ADM: variants seen among roughly 807,000 people sequenced by gnomAD.
The protein encoded by ADM is adrenomedullin.
Under a neutral mutation model 9.0 loss-of-function variants are expected in ADM, and 4 were observed. The observed-to-expected ratio is 0.44, with a 90% CI of 0.22 to 1.02. The LOEUF is 1.02. Among genes scored for constraint, ADM ranks in the 50% least tolerant of loss-of-function variants. The pLI is 0.24. For synonymous variants in ADM, 107 were observed against 107.2 expected, an observed-to-expected ratio of 1.00 and a Z score of 0.01; for missense variants, 253 against 254.1, an observed-to-expected ratio of 1.00 and a Z score of 0.03.
At chr11:10,305,578 GC>G in intron 1 of ADM, 101 bp from the exon 2 acceptor site, 2 of 969,412 alleles carry the variant, frequency 2.1e-6, no homozygotes, top group Non-Finnish European at 3.1e-6. Flanking sequence ...GAAAGCGCGG[GC>G]TAAACCCGCC....
At chr11:10,306,311 T>TCGGGGGG in intron 3 of ADM, 21 bp from the exon 4 acceptor site, 1 of 1,543,792 alleles carries the variant, frequency 6.5e-7, no homozygotes, top group Non-Finnish European at 8.9e-7. Flanking sequence ...TTGCCTTTCT[T>TCGGGGGG]CCCCCTCCCC....
At position 10,306,055 on chromosome 11, in the gene ADM, C is replaced by A. The variant is rs962132270; in HGVS notation, c.205C>A (p.Arg69=). Residue 69 remains arginine, a synonymous_variant, in exon 3 of 4, where the codon CGG becomes AGG. Transcript: ENST00000278175. ...VKAGPAQTLI[R]PQDMKGASRS... ...GGCCGGGCCTGCCCAGACCCTTATT[C>A]GGCCCCAGGACATGAAGGGTGCCTC... 6.2e-7 allele frequency: 1 copy of A among 1,614,046 alleles called. No individual in the cohort carries two copies. Among genetic ancestry groups the A allele is most frequent in the Non-Finnish European group, 8.5e-7 (1 of 1,180,018 alleles).
rs1964651198 is a variant in ADM, at chr11:10,306,004, T to C, written c.154T>C (p.Tyr52His). 1 of 1,614,010 alleles carries C rather than the reference T, an allele frequency of 6.2e-7. No homozygotes were observed. The highest frequency in any genetic ancestry group is 8.5e-7 in the Non-Finnish European group (1 of 1,180,016). Reference protein sequence around the residue: ...GKRELRMSSSYPTGLADVKAG... With the variant: ...GKRELRMSSSHPTGLADVKAG... ...GAGGGAACTGCGGATGTCCAGCAGC[T>C]ACCCCACCGGGCTCGCTGACGTGAA... The change falls in exon 3 of 4, where the codon TAC (tyrosine) becomes CAC (histidine). Residue 52 changes from tyrosine (Y) to histidine (H), a missense_variant. Physicochemically the swap from Tyr to His is moderately conservative, Grantham distance 83. Transcript: ENST00000278175.
In ADM at chr11:10,305,764, G is replaced by T. The variant is rs746394048; in HGVS notation, c.64G>T (p.Ala22Ser). 15 of 1,614,046 alleles carry T rather than the reference G, an allele frequency of 9.3e-6. No individual in the cohort carries two copies. The highest frequency in any genetic ancestry group is 2.7e-5 in the African/African-American group (2 of 74,948). Residue 22 changes from alanine (A) to serine (S), a missense_variant, in exon 2 of 4, where the codon GCT becomes TCT. Ala to Ser is a moderately conservative substitution (Grantham distance 99, BLOSUM62 1). Transcript: ENST00000278175. ...GCTCGCCTTCCTAGGCGCTGACACCGCTCGGTTGGATGTCGCGTCGGAGTT... is the reference window on the plus strand; with the variant it reads ...GCTCGCCTTCCTAGGCGCTGACACCTCTCGGTTGGATGTCGCGTCGGAGTT... ...GSLAFLGADT[A>S]RLDVASEFRK...
In ADM at chr11:10,305,700, G is replaced by A; in HGVS notation, c.-1G>A. On this transcript the variant is annotated 5_prime_UTR_variant, in exon 2 of 4. Coordinates refer to ENST00000278175, the MANE Select transcript of ADM (RefSeq NM_001124.3). ...TCCAGGGTCTGCGCTTCGCAGCCGG[G>A]ATGAAGCTGGTTTCCGTCGCCCTGA... is the stretch of plus-strand genomic sequence containing the variant. 1 of 1,613,796 alleles carries A rather than the reference G, an allele frequency of 6.2e-7. No individual in the cohort carries two copies. Among genetic ancestry groups the A allele is most frequent in the South Asian group, 1.1e-5 (1 of 91,084 alleles).
intron 1 of ADM, 58 bp from the exon 2 acceptor site, chr11:10,305,622 G>T (rs1591387568): frequency 6.7e-7 from 1 of 1,494,408 alleles, no homozygotes; most frequent in South Asian, 1.1e-5. Context: ...TCCGTGCCCC[G>T]CCCGGGCGGT....
rs537377545 is a variant in ADM at position 10,306,736 on chromosome 11, T to C, written c.*95T>C. ...TTCCCGAGCGGTGTGGGGACCGGGC[T>C]CTGACAGCCCTGCGGAGACCCTGAG... On this transcript the variant is annotated 3_prime_UTR_variant, in exon 4 of 4. Coordinates refer to ENST00000278175, the MANE Select transcript of ADM (RefSeq NM_001124.3). 1.6e-3 allele frequency: 2,093 copies of C among 1,318,668 alleles called. 5 individuals are homozygous for C. The highest frequency in any genetic ancestry group is 5.4e-3 in the Middle Eastern group (21 of 3,872). 81.7% of individuals were successfully genotyped at this position (1,318,668 alleles called of 1,614,324 possible). A position where few individuals can be genotyped will look rare whatever the true frequency, so the allele number is the denominator to read the frequency against.
At chr11:10,305,518 A>T in intron 1 of ADM, 162 bp from the exon 2 acceptor site, 1 of 616,868 alleles carries the variant, frequency 1.6e-6, no homozygotes, top group Non-Finnish European at 2.8e-6. Flanking sequence ...GGCGCGTGCA[A>T]ACGCCTCTGG....
At position 10,306,544 on chromosome 11, in the gene ADM, T is replaced by A; in HGVS notation, c.461T>A (p.Leu154Gln). ...QGYGRRRRRS[L>Q]PEAGPGRTLV... ...TACGGCCGCCGGCGCCGGCGCTCCC[T>A]GCCCGAGGCCGGCCCGGGTCGGACT... is the stretch of plus-strand genomic sequence containing the variant. The change falls in exon 4 of 4, where the codon CTG becomes CAG. Residue 154 changes from leucine to glutamine, a missense_variant. Coordinates refer to ENST00000278175, the MANE Select transcript of ADM (RefSeq NM_001124.3). The A allele has an allele frequency of 6.9e-7, 1 of 1,456,922 alleles. No homozygotes were observed. Among genetic ancestry groups the A allele is most frequent in the Non-Finnish European group, 9.2e-7 (1 of 1,082,406 alleles). The allele number at this position is 1,456,922 out of a possible 1,614,324, so 90.2% of individuals were successfully genotyped here.
At position 10,306,786 on chromosome 11, in the gene ADM, A is replaced by G; in HGVS notation, c.*145A>G. The G allele has an allele frequency of 1.2e-6, 1 of 808,344 alleles. No homozygotes were observed. The highest frequency in any genetic ancestry group is 2.6e-5 in the South Asian group (1 of 38,174). 50.1% of individuals were successfully genotyped at this position (808,344 alleles called of 1,614,324 possible). The stretch of plus-strand genomic sequence containing the variant: ...GTCCGGGAGGCACCGTCCGGCGGCG[A>G]GCTCTGGCTTTGCAAGGGCCCCTCC... On this transcript the variant is annotated 3_prime_UTR_variant, in exon 4 of 4. Coordinates refer to ENST00000278175, the MANE Select transcript of ADM (RefSeq NM_001124.3).
chr11:10,306,021 T>A lies in ADM; in HGVS notation c.171T>A (p.Ala57=). The A allele has an allele frequency of 6.2e-7, 1 of 1,614,026 alleles. No individual in the cohort carries two copies. Among genetic ancestry groups the A allele is most frequent in the South Asian group, 1.1e-5 (1 of 91,060 alleles). The change falls in exon 3 of 4, where the codon GCT becomes GCA. Residue 57 remains alanine, a synonymous_variant. Transcript: ENST00000278175. ...RMSSSYPTGL[A]DVKAGPAQTL... ...CCAGCAGCTACCCCACCGGGCTCGCTGACGTGAAGGCCGGGCCTGCCCAGA... is the reference window on the plus strand; with the variant it reads ...CCAGCAGCTACCCCACCGGGCTCGCAGACGTGAAGGCCGGGCCTGCCCAGA...
chr11:10,306,001 A>G lies in ADM; in HGVS notation c.151A>G (p.Ser51Gly), dbSNP rs1375373536. 12 of 1,613,960 alleles carry G rather than the reference A, an allele frequency of 7.4e-6. No homozygotes were observed. Among genetic ancestry groups the G allele is most frequent in the Non-Finnish European group, 9.3e-6 (11 of 1,180,028 alleles). ...GAAGAGGGAACTGCGGATGTCCAGC[A>G]GCTACCCCACCGGGCTCGCTGACGT... ...RGKRELRMSS[S>G]YPTGLADVKA... Residue 51 changes from serine (S) to glycine (G), a missense_variant, in exon 3 of 4, where the codon AGC (serine) becomes GGC (glycine). Coordinates refer to ENST00000278175, the MANE Select transcript of ADM (RefSeq NM_001124.3).
At chr11:10,305,916 C>G (rs375004986) in intron 2 of ADM, 33 bp from the exon 3 acceptor site, 1 of 1,612,858 alleles carries the variant, frequency 6.2e-7, no homozygotes, top group Non-Finnish European at 8.5e-7. Flanking sequence ...GTCACCTGAA[C>G]GCACGCGAAT....
chr11:10,307,138 T>C lies in ADM; in HGVS notation c.*497T>C, dbSNP rs1964670342. The C allele has an allele frequency of 1.3e-5, 2 of 153,264 alleles. No individual in the cohort carries two copies. The highest frequency in any genetic ancestry group is 4.8e-5 in the African/African-American group (2 of 41,482). 9.5% of individuals were successfully genotyped at this position (153,264 alleles called of 1,614,324 possible). A position where few individuals can be genotyped will look rare whatever the true frequency, so the allele number is the denominator to read the frequency against. On this transcript the variant is annotated 3_prime_UTR_variant, in exon 4 of 4. Transcript: ENST00000278175. This position sits in a 1 kb window ranked among gnomAD's most constrained non-coding sequence, Gnocchi z 4.5. ...AAGATTTTTTTTGTAACTTCAAATA[T>C]AGAGATATTTTTGTACGTTATATAT...
rs376677864 is a variant in ADM at position 10,306,375 on chromosome 11, A to G, written c.292A>G (p.Ser98Gly). The G allele has an allele frequency of 6.3e-7, 1 of 1,594,308 alleles. No homozygotes were observed. The highest frequency in any genetic ancestry group is 1.4e-5 in the African/African-American group (1 of 71,788). ...CATCCGAGTCAAGCGCTACCGCCAG[A>G]GCATGAACAACTTCCAGGGCCTCCG... is the stretch of plus-strand genomic sequence containing the variant. ...ARIRVKRYRQ[S>G]MNNFQGLRSF... The change falls in exon 4 of 4, where the codon AGC becomes GGC. Residue 98 changes from serine (S) to glycine (G), a missense_variant. Transcript: ENST00000278175.
rs1340402853 is a variant in ADM, at chr11:10,307,197, TC to T, written c.*558del. The T allele has an allele frequency of 1.7e-5, 2 of 114,756 alleles. No individual in the cohort carries two copies. Among genetic ancestry groups the T allele is most frequent in the African/African-American group, 2.9e-5 (1 of 34,842 alleles). 7.1% of individuals were successfully genotyped at this position (114,756 alleles called of 1,614,324 possible). ...GGGCATTTTAAAAGCAATTATATTG[TC>T]CTCCCCTATTTTAAGACGTGAATGT... On this transcript the variant is annotated 3_prime_UTR_variant, in exon 4 of 4. Transcript: ENST00000278175. This position sits in a 1 kb window ranked among gnomAD's most constrained non-coding sequence, Gnocchi z 4.5.
At chr11:10,306,243 C>T in intron 3 of ADM, 89 bp from the exon 4 acceptor site, 1 of 1,551,810 alleles carries the variant, frequency 6.4e-7, no homozygotes, top group Non-Finnish European at 8.7e-7. Context: ...CCCTCTGGCT[C>T]TAGAATGGCT....
In ADM at chr11:10,306,317, T is replaced by TGGGGGGGG; in HGVS notation, c.249-15_249-14insGGGGGGGG. ...GGTCTCAAGTTGCCTTTCTTCCCCC[T>TGGGGGGGG]CCCCCCGCCCGCAGCAGTCCGGATG... On this transcript the variant is annotated splice_polypyrimidine_tract_variant and intron_variant, in intron 3 of 3. Coordinates refer to ENST00000278175, the MANE Select transcript of ADM (RefSeq NM_001124.3). The TGGGGGGGG allele has an allele frequency of 1.6e-6, 1 of 636,172 alleles. No individual in the cohort carries two copies. Among genetic ancestry groups the TGGGGGGGG allele is most frequent in the Non-Finnish European group, 2.4e-6 (1 of 411,120 alleles). The allele number at this position is 636,172 out of a possible 1,614,324, so 39.4% of individuals were successfully genotyped here.
chr11:10,305,821 C>A, intron 2 of ADM, 23 bp downstream of exon 2: 1 of 1,613,706 alleles, frequency 6.2e-7, no homozygotes, highest in Non-Finnish European at 8.5e-7. Context: ...AGCGCCTTCC[C>A]CCTTGCTGGT....
Sources: allele counts gnomAD v4.1 joint callset, GRCh38; gene constraint gnomAD v4.1.1; non-coding constraint Gnocchi (gnomAD v3.1); transcripts MANE v1.5; gene names NCBI Gene and HGNC (gene_info 2026-07-23, HGNC 2026-07-21).